Variants in CD5 observed in about 807,000 individuals in gnomAD.
CD5 encodes the protein CD5 molecule.
CD5 carries 36 observed loss-of-function variants against 60.3 expected under a neutral mutation model. The ratio of observed to expected loss-of-function variants is 0.60; its 90% CI spans 0.46 to 0.79. CD5 has a LOEUF of 0.79. Ranked by LOEUF, CD5 falls within the 30% of genes least tolerant of loss-of-function variation. The pLI, the probability that CD5 is intolerant of heterozygous loss-of-function variation, is 0.00. For missense variants in CD5, 540 were observed against 630.6 expected (o/e 0.86, Z 1.54); for synonymous variants, 230 against 257.6 (o/e 0.89, Z 1.03).
intron 1 of CD5, among the ~76,000 whole-genome samples, chr11:61,113,836 T>A (rs1280489410): frequency 2.6e-5 from 4 of 152,142 alleles, no homozygotes; most frequent in Non-Finnish European, 2.9e-5. Flanking sequence ...GCCGAGCTAA[T>A]TTTTGTTATT....
At chr11:61,115,124 G>A in intron 2 of CD5, 30 bp downstream of exon 2, 1 of 1,546,302 alleles carries the variant, frequency 6.5e-7, no homozygotes, top group Non-Finnish European at 8.7e-7. Context: ...AGAAAGGCCT[G>A]GGGCAGGGGG....
chr11:61,099,809 C>T (rs1298695630), upstream of CD5, among the ~76,000 whole-genome samples: 1 of 151,170 alleles, frequency 6.6e-6, no homozygotes, highest in Non-Finnish European at 1.5e-5. Context: ...ATGGGGATTA[C>T]ACACACATCA....
chr11:61,105,271 G>A (rs1027222690), intron 1 of CD5, among the ~76,000 whole-genome samples: 4 of 152,204 alleles, frequency 2.6e-5, no homozygotes, highest in Admixed American at 6.5e-5. Context: ...CAAACTGCAC[G>A]TCCCTGACTG....
intron 2 of CD5, among the ~76,000 whole-genome samples, chr11:61,116,468 CCG>C (rs1320173363): frequency 2.3e-5 from 3 of 132,688 alleles, no homozygotes; most frequent in African/African-American, 8.7e-5. Flanking sequence ...CACACACACA[CCG>C]CACACCACAT....
At chr11:61,123,203 G>T (rs1408077301) in intron 7 of CD5, among the ~76,000 whole-genome samples, 171 bp downstream of exon 7, 1 of 152,186 alleles carries the variant, frequency 6.6e-6, no homozygotes, top group Non-Finnish European at 1.5e-5. Context: ...TCTGCCCCAA[G>T]TAACAGAAAC....
upstream of CD5, among the ~76,000 whole-genome samples, chr11:61,100,580 C>T (rs62646347): frequency 0.33 from 18,188 of 55,306 alleles, 2,730 homozygotes; most frequent in East Asian, 0.7. Context: ...ACATGGAGAT[C>T]ACACACACAT....
At chr11:61,119,881 G>A (rs933927704) in intron 5 of CD5, among the ~76,000 whole-genome samples, 1 of 152,138 alleles carries the variant, frequency 6.6e-6, no homozygotes, top group Admixed American at 6.5e-5. Flanking sequence ...TCTCTTCGTG[G>A]GTCTGGGGGA....
intron 2 of CD5, among the ~76,000 whole-genome samples, chr11:61,116,819 A>G (rs1440707381): frequency 7.1e-6 from 1 of 141,494 alleles, no homozygotes; most frequent in Non-Finnish European, 1.5e-5. Flanking sequence ...CACCACACAC[A>G]CATACAACAC....
the CD5 span, among the ~76,000 whole-genome samples, chr11:61,097,211 A>C: frequency 6.6e-6 from 1 of 152,128 alleles, no homozygotes; most frequent in Non-Finnish European, 1.5e-5. Context: ...TATGCGGAGG[A>C]ACTGTAATGG....
At chr11:61,125,667 A>G in intron 9 of CD5, 84 bp from the exon 10 acceptor site, 1 of 876,378 alleles carries the variant, frequency 1.1e-6, no homozygotes. Context: ...TGATCTTCCA[A>G]CCCACTGTGG....
intron 6 of CD5, 110 bp from the exon 7 acceptor site, chr11:61,122,797 T>C: frequency 8.2e-7 from 1 of 1,213,212 alleles, no homozygotes; most frequent in Non-Finnish European, 1.2e-6. Context: ...TGCTGGTGAA[T>C]TTCTCAGATG....
Position 61,121,876 on chromosome 11 carries a change from T to C in CD5, c.1071T>C (p.Asn357=). 1.3e-6 allele frequency: 2 copies of C among 1,555,948 alleles called. No homozygotes were observed. The highest frequency in any genetic ancestry group is 1.7e-6 in the Non-Finnish European group (2 of 1,143,696). The change falls in exon 6 of 11, where the codon AAT becomes AAC. Residue 357 remains asparagine (N), a synonymous_variant. Transcript: ENST00000347785. ...AGTGCCACGAACTTTGGGAGAGAAA[T>C]TCCTACTGCAAGAAGGTGTTTGTCA... ...LSQCHELWER[N]SYCKKVFVTC... is the part of the protein sequence containing the mutation.
intron 8 of CD5, among the ~76,000 whole-genome samples, chr11:61,124,329 T>G (rs746837733): frequency 6.6e-6 from 1 of 152,144 alleles, no homozygotes; most frequent in African/African-American, 2.4e-5. Context: ...TGGAAAACCA[T>G]GAGTTAGGCA....
chr11:61,115,999 T>C (rs1395478118), intron 2 of CD5, among the ~76,000 whole-genome samples: 2 of 152,154 alleles, frequency 1.3e-5, no homozygotes, highest in Non-Finnish European at 2.9e-5. Flanking sequence ...ACCCCACCAA[T>C]GTTAGGTGTT....
Position 61,123,102 on chromosome 11 carries a change from C to T in CD5, c.1225+70C>T, listed in dbSNP as rs778308890. 3.8e-5 allele frequency: 56 copies of T among 1,483,044 alleles called. No homozygotes were observed. The Admixed American group carries it at 5.2e-4, about 14-fold the overall frequency. The allele number at this position is 1,483,044 out of a possible 1,614,324, so 91.9% of individuals were successfully genotyped here. A position where few individuals can be genotyped will look rare whatever the true frequency, so the allele number is the denominator to read the frequency against. On this transcript the variant is annotated intron_variant, in intron 7 of 10. Transcript: ENST00000347785. ...CTGGAGGGGCTGCACTAGAGTCCTC[C>T]GGAGGAGGGGTCATGCCTCCAGAGA...
upstream of CD5, among the ~76,000 whole-genome samples, chr11:61,099,278 A>G (rs959318111): frequency 1.3e-5 from 2 of 151,864 alleles, no homozygotes; most frequent in Admixed American, 6.5e-5. Context: ...GGGATTACAC[A>G]CATCAACGTG....
At chr11:61,112,291 C>T (rs1056739047) in intron 1 of CD5, among the ~76,000 whole-genome samples, 1 of 151,906 alleles carries the variant, frequency 6.6e-6, no homozygotes, top group Non-Finnish European at 1.5e-5. Context: ...TTCCTGATTT[C>T]TCTCGCTAGC....
intron 2 of CD5, among the ~76,000 whole-genome samples, chr11:61,116,534 CCACACCACA>C (rs1860952464): frequency 1.2e-5 from 1 of 84,886 alleles, no homozygotes; most frequent in African/African-American, 4.9e-5. Context: ...CACACACACC[CCACACCACA>C]CACACACACC....
At chr11:61,097,465 A>C in the CD5 span, among the ~76,000 whole-genome samples, 1 of 152,242 alleles carries the variant, frequency 6.6e-6, no homozygotes, top group Non-Finnish European at 1.5e-5. Context: ...AATCACATAG[A>C]GAGGAATCCA....
Sources: allele counts gnomAD v4.1 joint callset (sites outside exome capture counted in the v4.1 genomes callset), GRCh38; gene constraint gnomAD v4.1.1; transcripts MANE v1.5; gene names NCBI Gene and HGNC (gene_info 2026-07-23, HGNC 2026-07-21).